Variants in CMTM8 observed in about 807,000 individuals in gnomAD.
CMTM8 encodes CKLF-like MARVEL transmembrane domain-containing protein 8.
Under a neutral mutation model 18.6 loss-of-function variants are expected in CMTM8, and 12 were observed. The ratio of observed to expected loss-of-function variants is 0.65; its 90% CI spans 0.41 to 1.05. The LOEUF is 1.05. CMTM8 is among the 50% of genes least tolerant of loss of function. The pLI is 0.00. For synonymous variants in CMTM8, 87 were observed against 90.6 expected (o/e 0.96, Z 0.23); for missense variants, 217 against 227.2 (o/e 0.95, Z 0.29).
At chr3:32,333,504 G>A (rs889807653) in intron 1 of CMTM8, among the ~76,000 whole-genome samples, 1 of 152,086 alleles carries the variant, frequency 6.6e-6, no homozygotes, top group African/African-American at 2.4e-5. Context: ...TGTTTGGGAA[G>A]CACTGGGCAA....
At chr3:32,341,467 A>T (rs1417683039) in intron 1 of CMTM8, among the ~76,000 whole-genome samples, 1 of 152,164 alleles carries the variant, frequency 6.6e-6, no homozygotes, top group Non-Finnish European at 1.5e-5. Flanking sequence ...TCCTTTGTAG[A>T]GTATATTGTC....
At chr3:32,300,013 A>G (rs1259031560) in intron 1 of CMTM8, among the ~76,000 whole-genome samples, 1 of 152,190 alleles carries the variant, frequency 6.6e-6, no homozygotes, top group Non-Finnish European at 1.5e-5. Context: ...CATGGCCAGC[A>G]CCTCTATAAC....
chr3:32,294,390 CT>C (rs1702838697), intron 1 of CMTM8, among the ~76,000 whole-genome samples: 1 of 152,220 alleles, frequency 6.6e-6, no homozygotes, highest in Admixed American at 6.5e-5. Flanking sequence ...TCCGATTATG[CT>C]TTACGCTGCA....
chr3:32,270,623 A>G (rs1702423912), intron 1 of CMTM8, among the ~76,000 whole-genome samples: 1 of 152,188 alleles, frequency 6.6e-6, no homozygotes, highest in South Asian at 2.1e-4. Flanking sequence ...CGCAAGGACA[A>G]AAAACCAAAC....
At chr3:32,279,180 A>AT (rs10686617) in intron 1 of CMTM8, among the ~76,000 whole-genome samples, 30,918 of 140,386 alleles carry the variant, frequency 0.22, 3,587 homozygotes, top group East Asian at 0.45. Flanking sequence ...TTTTTTTTTA[A>AT]TTTTTTTTTT....
chr3:32,289,771 A>G (rs545570927), intron 1 of CMTM8, among the ~76,000 whole-genome samples: 5 of 152,322 alleles, frequency 3.3e-5, no homozygotes, highest in African/African-American at 1.2e-4. Flanking sequence ...ATTACCATTT[A>G]TATTCATCGT....
chr3:32,259,843 A>G (rs1702232133), intron 1 of CMTM8: 2 of 821,928 alleles, frequency 2.4e-6, no homozygotes, highest in Non-Finnish European at 4.2e-6. Flanking sequence ...TGAGACATGC[A>G]GTCCAGTCCT....
chr3:32,310,089 C>G (rs1459701308), intron 1 of CMTM8, among the ~76,000 whole-genome samples: 2 of 152,030 alleles, frequency 1.3e-5, no homozygotes, highest in East Asian at 3.9e-4. Context: ...GAGATCCATC[C>G]ATTCTGATTT....
chr3:32,241,913 C>T (rs1219082405), intron 1 of CMTM8, among the ~76,000 whole-genome samples: 3 of 152,196 alleles, frequency 2.0e-5, no homozygotes, highest in Non-Finnish European at 2.9e-5. Context: ...ACTAATTTAA[C>T]CCTAGTTGTT....
intron 2 of CMTM8, among the ~76,000 whole-genome samples, chr3:32,362,886 T>C (rs1034060070): frequency 6.6e-6 from 1 of 152,216 alleles, no homozygotes; most frequent in Non-Finnish European, 1.5e-5. Context: ...GATCATGTTA[T>C]AACCAGGATC....
intron 1 of CMTM8, among the ~76,000 whole-genome samples, chr3:32,334,395 A>G (rs1366221544): frequency 6.6e-6 from 1 of 151,954 alleles, no homozygotes; most frequent in Admixed American, 6.5e-5. Flanking sequence ...TCACGAGGTC[A>G]GGAGATCAAG....
intron 1 of CMTM8, among the ~76,000 whole-genome samples, chr3:32,246,375 T>C (rs529490543): frequency 5.9e-5 from 9 of 152,308 alleles, no homozygotes; most frequent in Middle Eastern, 3.4e-3. Context: ...GCTGGTTGTC[T>C]GCGTCCCTCC....
intron 1 of CMTM8, among the ~76,000 whole-genome samples, chr3:32,310,085 C>T (rs796493410): frequency 6.6e-6 from 1 of 152,096 alleles, no homozygotes; most frequent in South Asian, 2.1e-4. Context: ...ACAGGAGATC[C>T]ATCCATTCTG....
At chr3:32,252,465 A>C (rs1463379554) in intron 1 of CMTM8, among the ~76,000 whole-genome samples, 1 of 152,172 alleles carries the variant, frequency 6.6e-6, no homozygotes, top group African/African-American at 2.4e-5. Context: ...TAATTTGAGG[A>C]GTTGACTTTC....
chr3:32,329,078 A>G (rs905226125), intron 1 of CMTM8, among the ~76,000 whole-genome samples: 2 of 151,062 alleles, frequency 1.3e-5, no homozygotes, highest in Non-Finnish European at 3.0e-5. Context: ...TCAAAAAAAA[A>G]TTTTTTTTTT....
intron 1 of CMTM8, among the ~76,000 whole-genome samples, chr3:32,344,154 T>G (rs1696551831): frequency 6.6e-6 from 1 of 152,214 alleles, no homozygotes; most frequent in Non-Finnish European, 1.5e-5. Flanking sequence ...CCAATGCCAC[T>G]TCATTGCAAG....
At chr3:32,262,059 G>A (rs1012363249) in intron 1 of CMTM8, among the ~76,000 whole-genome samples, 1 of 152,118 alleles carries the variant, frequency 6.6e-6, no homozygotes, top group Non-Finnish European at 1.5e-5. Flanking sequence ...CCATGGAACT[G>A]GCCTGCCATC....
intron 1 of CMTM8, among the ~76,000 whole-genome samples, chr3:32,315,589 A>G (rs1695912198): frequency 6.6e-6 from 1 of 152,228 alleles, no homozygotes; most frequent in Non-Finnish European, 1.5e-5. Context: ...AAGAGATTCC[A>G]TGGCTGAGCA....
At chr3:32,273,323 T>C (rs919863934) in intron 1 of CMTM8, among the ~76,000 whole-genome samples, 7 of 149,938 alleles carry the variant, frequency 4.7e-5, no homozygotes, top group African/African-American at 1.5e-4. Context: ...GATATGTGTA[T>C]GTATGTGTAC....
Sources: allele counts gnomAD v4.1 joint callset (sites outside exome capture counted in the v4.1 genomes callset), GRCh38; gene constraint gnomAD v4.1.1; transcripts MANE v1.5; gene names NCBI Gene and HGNC (gene_info 2026-07-23, HGNC 2026-07-21).